Variants in CTNNBIP1 observed in about 807,000 individuals in gnomAD.
CTNNBIP1 encodes the protein beta-catenin-interacting protein 1.
Under a neutral mutation model 11.8 loss-of-function variants are expected in CTNNBIP1, and 7 were observed. The ratio of observed to expected loss-of-function variants is 0.60; its 90% CI spans 0.34 to 1.12. The LOEUF (loss-of-function observed/expected upper bound fraction) is 1.12. CTNNBIP1 is among the 50% of genes most tolerant of loss of function. The probability of loss-of-function intolerance (pLI) is 0.03; values close to 1 mark genes in which losing one functional copy is unlikely to be tolerated. For synonymous variants in CTNNBIP1, 58 were observed against 43.9 expected (o/e 1.32, Z -1.26); for missense variants, 101 against 113.4 (o/e 0.89, Z 0.50).
intron 1 of CTNNBIP1, among the ~76,000 whole-genome samples, chr1:9,887,998 A>G (rs749122730): frequency 3.3e-4 from 50 of 151,630 alleles, no homozygotes; most frequent in Non-Finnish European, 5.4e-4. Flanking sequence ...TAATTTTTGT[A>G]TTCTTAGTAA....
intron 1 of CTNNBIP1, among the ~76,000 whole-genome samples, chr1:9,909,466 G>C (rs1435449114): frequency 6.6e-6 from 1 of 152,172 alleles, no homozygotes; most frequent in African/African-American, 2.4e-5. Context: ...TGGGTGTCCA[G>C]ACCTGAGTGT....
chr1:9,871,108 G>A lies in CTNNBIP1; in HGVS notation c.187+79C>T. 1.8e-6 allele frequency: 2 copies of A among 1,084,488 alleles called. No individual in the cohort carries two copies. The highest frequency in any genetic ancestry group is 2.7e-6 in the Non-Finnish European group (2 of 742,880). 67.2% of individuals were successfully genotyped at this position (1,084,488 alleles called of 1,614,324 possible). ...GGATCACCCATCAAAGAGGGCTGGA[G>A]CTACGCTTTCTAAGGGAACCACAAG... is the stretch of plus-strand genomic sequence containing the variant. On this transcript the variant is annotated intron_variant, in intron 5 of 5. Transcript: ENST00000377263. This position sits in a 1 kb window ranked among gnomAD's most constrained non-coding sequence, Gnocchi z 5.2.
chr1:9,874,997 T>C (rs1375054355), intron 3 of CTNNBIP1, among the ~76,000 whole-genome samples: 2 of 152,196 alleles, frequency 1.3e-5, no homozygotes, highest in Non-Finnish European at 2.9e-5. Context: ...CTAGTTTTCA[T>C]TTGCTCTCTC....
At chr1:9,875,578 C>T (rs1638951796) in intron 3 of CTNNBIP1, among the ~76,000 whole-genome samples, 1 of 152,226 alleles carries the variant, frequency 6.6e-6, no homozygotes, top group Admixed American at 6.5e-5. Context: ...GTCGTCTGCG[C>T]CTGCATTTTG....
intron 5 of CTNNBIP1, among the ~76,000 whole-genome samples, chr1:9,861,094 C>T (rs890935779): frequency 6.6e-6 from 1 of 152,220 alleles, no homozygotes; most frequent in East Asian, 1.9e-4. Flanking sequence ...TCCAGGACAA[C>T]GCCCACTCTG....
chr1:9,887,045 C>A (rs374045733), intron 1 of CTNNBIP1, among the ~76,000 whole-genome samples: 2 of 152,214 alleles, frequency 1.3e-5, no homozygotes, highest in Non-Finnish European at 2.9e-5. Context: ...CAGGCCACAG[C>A]CCCATTCTTA....
chr1:9,850,852 G>A lies in CTNNBIP1; in HGVS notation c.188-76C>T, dbSNP rs887759434. The A allele has an allele frequency of 1.5e-4, 210 of 1,397,194 alleles. No individual in the cohort carries two copies. The Middle Eastern group carries it at 1.6e-3, about 11-fold the overall frequency. 86.5% of individuals were successfully genotyped at this position (1,397,194 alleles called of 1,614,324 possible). A position where few individuals can be genotyped will look rare whatever the true frequency, so the allele number is the denominator to read the frequency against. On this transcript the variant is annotated intron_variant, in intron 5 of 5. Transcript: ENST00000377263. ...CGAACAGGACAAGCAAGGAGGCTGC[G>A]GCCAAGCTGGAGCCCCCGCCCACCA... is the stretch of plus-strand genomic sequence containing the variant.
rs779453301 is a variant in CTNNBIP1, at chr1:9,898,117, C to CA, written c.-144+11977dup. Among the ~76,000 whole-genome samples, 447 of 101,682 alleles carry CA rather than the reference C, an allele frequency of 4.4e-3. 3 individuals are homozygous for CA. The highest frequency in any genetic ancestry group is 8.0e-3 in the African/African-American group (218 of 27,218). 66.7% of individuals were successfully genotyped at this position (101,682 alleles called of 152,430 possible). On this transcript the variant is annotated intron_variant, in intron 1 of 5. Coordinates refer to ENST00000377263, the MANE Select transcript of CTNNBIP1 (RefSeq NM_020248.3). ...ATAACAGAGTGAGACTCTGTCTCAGCAAAAAAAAAAAATAAATAAAATTAA... is the reference window on the plus strand; with the variant it reads ...ATAACAGAGTGAGACTCTGTCTCAGCAAAAAAAAAAAAATAAATAAAATTAA...
intron 1 of CTNNBIP1, among the ~76,000 whole-genome samples, chr1:9,902,596 C>T (rs974191828): frequency 1.3e-5 from 2 of 152,124 alleles, no homozygotes; most frequent in African/African-American, 4.8e-5. Flanking sequence ...AATGTCCACT[C>T]AGGGCAGGTA....
At chr1:9,860,449 A>G (rs892888948) in intron 5 of CTNNBIP1, among the ~76,000 whole-genome samples, 7 of 150,698 alleles carry the variant, frequency 4.6e-5, no homozygotes, top group Non-Finnish European at 1.0e-4. Context: ...AAAAAAAAAA[A>G]AAAAACAAAA....
At chr1:9,853,220 G>A (rs1365252794) in intron 5 of CTNNBIP1, among the ~76,000 whole-genome samples, 1 of 152,208 alleles carries the variant, frequency 6.6e-6, no homozygotes, top group African/African-American at 2.4e-5. Flanking sequence ...ATATTATCCA[G>A]GCTTTACCAC....
Position 9,859,188 on chromosome 1 carries a change from C to T in CTNNBIP1, c.188-8412G>A, listed in dbSNP as rs192613104. Among the ~76,000 whole-genome samples the T allele has an allele frequency of 2.6e-3, 392 of 152,332 alleles. 1 individual carries two copies. Among genetic ancestry groups the T allele is most frequent in the African/African-American group, 8.3e-3 (346 of 41,574 alleles). On this transcript the variant is annotated intron_variant, in intron 5 of 5. Coordinates refer to ENST00000377263, the MANE Select transcript of CTNNBIP1 (RefSeq NM_020248.3). ...GCCTACTGCCCTACCAGACACCTCA[C>T]TAGTCCCCTGGCTCACCTGCCCTGG... is the stretch of plus-strand genomic sequence containing the variant.
intron 5 of CTNNBIP1, among the ~76,000 whole-genome samples, chr1:9,857,297 G>A (rs551365327): frequency 2.6e-5 from 4 of 151,226 alleles, no homozygotes; most frequent in South Asian, 4.2e-4. Context: ...TGGCTAACAC[G>A]GTGAAACCCT....
At chr1:9,886,118 C>T in intron 1 of CTNNBIP1, among the ~76,000 whole-genome samples, 1 of 151,098 alleles carries the variant, frequency 6.6e-6, no homozygotes, top group East Asian at 1.9e-4. Context: ...GCTTTTAATA[C>T]CCTCAGCTTC....
At position 9,871,920 on chromosome 1, in the gene CTNNBIP1, G is replaced by C; in HGVS notation, c.96+49C>G. ...CAATAGCCCAGCAGGGCCCCTCCCT[G>C]GGAGACCCTCCCTGGGGGCCCGCTG... On this transcript the variant is annotated intron_variant, in intron 4 of 5. Transcript: ENST00000377263. The surrounding 1 kb of genome is among the most constrained non-coding windows in gnomAD (Gnocchi z 5.2). 1 of 1,527,442 alleles carries C rather than the reference G, an allele frequency of 6.5e-7. No homozygotes were observed. Among genetic ancestry groups the C allele is most frequent in the Non-Finnish European group, 9.1e-7 (1 of 1,101,968 alleles). 94.6% of individuals were successfully genotyped at this position (1,527,442 alleles called of 1,614,324 possible). A position where few individuals can be genotyped will look rare whatever the true frequency, so the allele number is the denominator to read the frequency against.
rs992901823 is a variant in CTNNBIP1 at position 9,872,982 on chromosome 1, C to T, written c.-24-894G>A. Among the ~76,000 whole-genome samples the T allele has an allele frequency of 3.3e-5, 5 of 152,222 alleles. No homozygotes were observed. Among genetic ancestry groups the T allele is most frequent in the Admixed American group, 6.5e-5 (1 of 15,288 alleles). On this transcript the variant is annotated intron_variant, in intron 3 of 5. Transcript: ENST00000377263. This position sits in a 1 kb window ranked among gnomAD's most constrained non-coding sequence, Gnocchi z 4.0. ...CCAAGGAACTGCGCTCGGAGAACCACGGAACCAAGCTGGCAGGCCAAGAAC... is the reference window on the plus strand; with the variant it reads ...CCAAGGAACTGCGCTCGGAGAACCATGGAACCAAGCTGGCAGGCCAAGAAC...
intron 1 of CTNNBIP1, among the ~76,000 whole-genome samples, chr1:9,900,589 G>A (rs978287516): frequency 7.2e-5 from 11 of 152,280 alleles, no homozygotes; most frequent in African/African-American, 2.2e-4. Flanking sequence ...AAGGCAAACG[G>A]GCACACGTGA....
chr1:9,898,844 C>A (rs1639461336), intron 1 of CTNNBIP1, among the ~76,000 whole-genome samples: 1 of 152,148 alleles, frequency 6.6e-6, no homozygotes, highest in East Asian at 1.9e-4. Context: ...TTCACAGTAC[C>A]TGATAAATGT....
In CTNNBIP1 at chr1:9,848,775, G is replaced by A. The variant is rs1638315330; in HGVS notation, c.*1943C>T. 6.6e-6 allele frequency: 1 copy of A among 152,276 alleles called. No individual in the cohort carries two copies. The highest frequency in any genetic ancestry group is 2.1e-4 in the South Asian group (1 of 4,834). The allele number at this position is 152,276 out of a possible 1,614,324, so 9.4% of individuals were successfully genotyped here. A position where few individuals can be genotyped will look rare whatever the true frequency, so the allele number is the denominator to read the frequency against. On this transcript the variant is annotated 3_prime_UTR_variant, in exon 6 of 6. Transcript: ENST00000377263. The surrounding 1 kb of genome is among the most constrained non-coding windows in gnomAD (Gnocchi z 4.3). ...CTGTGTTCCCCACAGCTGACTGTCAGCTAACCAGGGCTAGGGGTGAGTGCA... is the reference window on the plus strand; with the variant it reads ...CTGTGTTCCCCACAGCTGACTGTCAACTAACCAGGGCTAGGGGTGAGTGCA...
Sources: allele counts gnomAD v4.1 joint callset (sites outside exome capture counted in the v4.1 genomes callset), GRCh38; gene constraint gnomAD v4.1.1; non-coding constraint Gnocchi (gnomAD v3.1); transcripts MANE v1.5; gene names NCBI Gene and HGNC (gene_info 2026-07-23, HGNC 2026-07-21).